CPLX1: variants seen among roughly 807,000 people sequenced by gnomAD.
CPLX1 encodes the protein complexin 1, also known as complexin-1.
Under a neutral mutation model 15.6 loss-of-function variants are expected in CPLX1, and 6 were observed. That is an observed-to-expected ratio of 0.39 (90% CI 0.21 to 0.76). The LOEUF is 0.76. Ranked by LOEUF, CPLX1 falls within the 30% of genes least tolerant of loss-of-function variation. The pLI, the probability that CPLX1 is intolerant of heterozygous loss-of-function variation, is 0.43. For synonymous variants in CPLX1, 91 were observed against 75.2 expected (o/e 1.21, Z -1.08); for missense variants, 242 against 188.6 (o/e 1.28, Z -1.66).
intron 2 of CPLX1, among the ~76,000 whole-genome samples, chr4:802,520 T>C (rs73207757): frequency 0.22 from 33,002 of 152,212 alleles, 4,279 homozygotes; most frequent in Middle Eastern, 0.34. Context: ...ACAGGCCATT[T>C]TCCCTGATCA....
rs1745935876 is a variant in CPLX1 at position 785,024 on chromosome 4, A to C, written c.*1477T>G. 6.6e-6 allele frequency: 1 copy of C among 152,324 alleles called. No individual in the cohort carries two copies. The highest frequency in any genetic ancestry group is 1.5e-5 in the Non-Finnish European group (1 of 68,110). 9.4% of individuals were successfully genotyped at this position (152,324 alleles called of 1,614,324 possible). On this transcript the variant is annotated 3_prime_UTR_variant, in exon 4 of 4. Transcript: ENST00000304062. Reference sequence around the variant, plus strand: ...AACACACGCAGGGGCCCCGACATGCAGGAGGAGGCGCAGGCGCAGGACAGA... The same window carrying C: ...AACACACGCAGGGGCCCCGACATGCCGGAGGAGGCGCAGGCGCAGGACAGA...
At chr4:800,733 A>AT (rs1560241191) in intron 2 of CPLX1, among the ~76,000 whole-genome samples, 6 of 69,034 alleles carry the variant, frequency 8.7e-5, no homozygotes, top group Admixed American at 6.1e-4. Flanking sequence ...CTAAAAAAAA[A>AT]AATATATATA....
At chr4:825,495 G>A (rs1746961564) in intron 1 of CPLX1, among the ~76,000 whole-genome samples, 1 of 151,972 alleles carries the variant, frequency 6.6e-6, no homozygotes, top group South Asian at 2.1e-4. Flanking sequence ...CGGGGAAGGA[G>A]GGCACGGCCG....
rs1261158733 is a variant in CPLX1, at chr4:786,452, C to G, written c.*49G>C. 1 of 1,499,394 alleles carries G rather than the reference C, an allele frequency of 6.7e-7. No homozygotes were observed. Among genetic ancestry groups the G allele is most frequent in the African/African-American group, 1.4e-5 (1 of 71,066 alleles). 92.9% of individuals were successfully genotyped at this position (1,499,394 alleles called of 1,614,324 possible). A position where few individuals can be genotyped will look rare whatever the true frequency, so the allele number is the denominator to read the frequency against. On this transcript the variant is annotated 3_prime_UTR_variant, in exon 4 of 4. Transcript: ENST00000304062. The stretch of plus-strand genomic sequence containing the variant: ...TCCCTCAGGGGCCTCCGCGGAGGAT[C>G]TGTAGGGGGAGGGGCGGGGGCTCCG...
At chr4:798,324 A>G (rs1746385151) in intron 2 of CPLX1, among the ~76,000 whole-genome samples, 1 of 152,066 alleles carries the variant, frequency 6.6e-6, no homozygotes, top group African/African-American at 2.4e-5. Flanking sequence ...GAAAGTATAG[A>G]AAGTCCAGAA....
At position 820,228 on chromosome 4, in the gene CPLX1, G is replaced by A. The variant is rs1017316250; in HGVS notation, c.31+4264C>T. ...GCTCAGCCCAGCCTGCAGCTCCACC[G>A]TCCTCCCGGACCCAGCTCAGCCCAG... On this transcript the variant is annotated intron_variant, in intron 2 of 3. Coordinates refer to ENST00000304062, the MANE Select transcript of CPLX1 (RefSeq NM_006651.4). 1.1e-4 allele frequency among the ~76,000 whole-genome samples: 17 copies of A among 152,198 alleles called. 1 individual carries two copies. Among genetic ancestry groups the A allele is most frequent in the East Asian group, 1.9e-4 (1 of 5,156 alleles).
intron 2 of CPLX1, among the ~76,000 whole-genome samples, chr4:818,891 G>C (rs7687101): frequency 5.4e-4 from 82 of 152,206 alleles, no homozygotes; most frequent in African/African-American, 2.0e-3. Flanking sequence ...TGGAGGGTGG[G>C]GCCTCGCCTC....
At position 792,602 on chromosome 4, in the gene CPLX1, G is replaced by T. The variant is rs1355748719; in HGVS notation, c.38C>A (p.Thr13Asn). 6.2e-7 allele frequency: 1 copy of T among 1,611,328 alleles called. No individual in the cohort carries two copies. Among genetic ancestry groups the T allele is most frequent in the Non-Finnish European group, 8.5e-7 (1 of 1,178,772 alleles). ...CCCCAGCATCTTCCCCATGTCCTTG[G>T]TGGCCCCTGGTACAGAAGTTGGTGA... ...FVMKQALGGA[T>N]KDMGKMLGGD... The change falls in exon 3 of 4, where the codon ACC (threonine) becomes AAC (asparagine). Residue 13 changes from threonine (T) to asparagine (N), a missense_variant. By Grantham distance (65) the Thr-to-Asn change is moderately conservative. Transcript: ENST00000304062.
chr4:816,563 G>A (rs115720538), intron 2 of CPLX1, among the ~76,000 whole-genome samples: 2,325 of 152,016 alleles, frequency 0.015, 61 homozygotes, highest in African/African-American at 0.052. Context: ...AAACAATGCA[G>A]TATCTCAATT....
At chr4:820,975 G>A (rs372128038) in intron 2 of CPLX1, among the ~76,000 whole-genome samples, 2 of 152,100 alleles carry the variant, frequency 1.3e-5, no homozygotes, top group African/African-American at 4.8e-5. Context: ...GACACTTCTC[G>A]TCCACCCCGG....
At chr4:803,736 T>C (rs763061655) in intron 2 of CPLX1, among the ~76,000 whole-genome samples, 1 of 151,534 alleles carries the variant, frequency 6.6e-6, no homozygotes, top group Non-Finnish European at 1.5e-5. Context: ...AATGGCGTGA[T>C]CTTGGCTCGC....
chr4:796,313 T>C (rs1746337946), intron 2 of CPLX1, among the ~76,000 whole-genome samples: 1 of 152,152 alleles, frequency 6.6e-6, no homozygotes, highest in South Asian at 2.1e-4. Flanking sequence ...GACCTGGACA[T>C]GGTACCAGCG....
rs574517539 is a variant in CPLX1 at position 795,988 on chromosome 4, C to G, written c.32-3380G>C. On this transcript the variant is annotated intron_variant, in intron 2 of 3. Transcript: ENST00000304062. The stretch of plus-strand genomic sequence containing the variant: ...AGGCTCTTCCCGGGAACCCACCTCC[C>G]AGACCTTTGCTGGAGTGGCACCCAC... Among the ~76,000 whole-genome samples the G allele has an allele frequency of 7.2e-5, 11 of 152,300 alleles. No homozygotes were observed. In the South Asian group the frequency reaches 2.3e-3, roughly 32 times the overall value.
intron 2 of CPLX1, among the ~76,000 whole-genome samples, chr4:820,063 G>A (rs1053261171): frequency 6.6e-6 from 1 of 152,026 alleles, no homozygotes; most frequent in Admixed American, 6.5e-5. Context: ...TTCACCTCCG[G>A]ATCTGCTGCT....
At chr4:803,287 G>A (rs1323562811) in intron 2 of CPLX1, among the ~76,000 whole-genome samples, 1 of 152,248 alleles carries the variant, frequency 6.6e-6, no homozygotes, top group Non-Finnish European at 1.5e-5. Flanking sequence ...CGCATGAAAA[G>A]ATAAGACACA....
At chr4:794,417 C>T (rs1451080138) in intron 2 of CPLX1, among the ~76,000 whole-genome samples, 3 of 152,236 alleles carry the variant, frequency 2.0e-5, no homozygotes, top group Admixed American at 2.0e-4. Context: ...CTGGACTCCT[C>T]AACAGAAAGC....
At chr4:801,703 C>T (rs1449802826) in intron 2 of CPLX1, among the ~76,000 whole-genome samples, 2 of 152,232 alleles carry the variant, frequency 1.3e-5, no homozygotes, top group South Asian at 2.1e-4. Flanking sequence ...GATGTTCGCA[C>T]AGCAACAAAG....
At chr4:791,185 C>CGGGGGGA (rs1459501746) in intron 3 of CPLX1, among the ~76,000 whole-genome samples, 1 of 85,780 alleles carries the variant, frequency 1.2e-5, no homozygotes, top group Admixed American at 1.0e-4. Context: ...GGGCGGGGGG[C>CGGGGGGA]GGGGAGCGGG....
chr4:820,470 G>A (rs1031895306), intron 2 of CPLX1, among the ~76,000 whole-genome samples: 1 of 152,210 alleles, frequency 6.6e-6, no homozygotes, highest in African/African-American at 2.4e-5. Context: ...TGCCCATGGT[G>A]TAAGTCTCAG....
Sources: gnomAD v4.1 joint callset for allele counts (sites outside exome capture counted in the v4.1 genomes callset) on GRCh38, gnomAD v4.1.1 for gene constraint, MANE v1.5 for transcripts, NCBI Gene and HGNC (gene_info 2026-07-23, HGNC 2026-07-21) for gene names.